The following TASP1 variants were observed in gnomAD, a reference collection of about 807,000 sequenced individuals.
TASP1 encodes taspase 1.
TASP1 carries 16 observed loss-of-function variants against 56.6 expected under a neutral mutation model. The ratio of observed to expected loss-of-function variants is 0.28; its 90% CI spans 0.19 to 0.43. The LOEUF is 0.43. Ranked by LOEUF, TASP1 falls within the 20% of genes least tolerant of loss-of-function variation. The pLI is 1.00. For synonymous variants in TASP1, 179 were observed against 184.2 expected (o/e 0.97, Z 0.23); for missense variants, 393 against 511.6 (o/e 0.77, Z 2.24).
chr20:13,294,166 G>A, the TASP1 span, among the ~76,000 whole-genome samples: 1 of 152,086 alleles, frequency 6.6e-6, no homozygotes, highest in Non-Finnish European at 1.5e-5. Context: ...CTGAAATCTT[G>A]ATTTTGCCAG....
At chr20:13,366,572 T>G in the TASP1 span, among the ~76,000 whole-genome samples, 1 of 152,198 alleles carries the variant, frequency 6.6e-6, no homozygotes, top group African/African-American at 2.4e-5. Flanking sequence ...TGTGATTAAG[T>G]CTTTGGACCA....
the TASP1 span, among the ~76,000 whole-genome samples, chr20:13,194,631 C>T: frequency 6.6e-6 from 1 of 151,528 alleles, no homozygotes; most frequent in Admixed American, 6.6e-5. Flanking sequence ...ATCAGTTTCA[C>T]CCTAAGGTTG....
intron 10 of TASP1, among the ~76,000 whole-genome samples, chr20:13,513,580 G>A (rs1338412307): frequency 6.6e-6 from 1 of 152,144 alleles, no homozygotes; most frequent in Non-Finnish European, 1.5e-5. Context: ...AAGAAATTGT[G>A]CTAAGTTGTT....
At chr20:13,620,916 T>C (rs1479788060) in intron 4 of TASP1, among the ~76,000 whole-genome samples, 1 of 152,104 alleles carries the variant, frequency 6.6e-6, no homozygotes, top group Non-Finnish European at 1.5e-5. Context: ...TGAAAACCTA[T>C]CCTGTTTTAA....
chr20:13,497,905 A>G (rs963831196), intron 10 of TASP1, among the ~76,000 whole-genome samples: 1 of 152,212 alleles, frequency 6.6e-6, no homozygotes, highest in Non-Finnish European at 1.5e-5. Flanking sequence ...GTATTTAATA[A>G]TTGGTGCTGG....
At chr20:13,224,301 C>T in the TASP1 span, among the ~76,000 whole-genome samples, 14 of 152,100 alleles carry the variant, frequency 9.2e-5, no homozygotes, top group African/African-American at 3.4e-4. Context: ...TTCTTTGGCC[C>T]TCTGACTCTC....
At chr20:13,222,172 T>C in the TASP1 span, among the ~76,000 whole-genome samples, 35 of 151,570 alleles carry the variant, frequency 2.3e-4, no homozygotes, top group African/African-American at 7.5e-4. Flanking sequence ...AGGTGCGGGG[T>C]TGGTGGGGAG....
the TASP1 span, among the ~76,000 whole-genome samples, chr20:13,177,307 A>T: frequency 6.6e-6 from 1 of 152,124 alleles, no homozygotes; most frequent in Admixed American, 6.6e-5. Context: ...CATGGATTGG[A>T]AGAATTAATA....
In TASP1 at chr20:13,587,071, T is replaced by A. The variant is rs532520667; in HGVS notation, c.403+179A>T. 2.0e-4 allele frequency among the ~76,000 whole-genome samples: 30 copies of A among 152,260 alleles called. 2 individuals are homozygous for A. The highest frequency in any genetic ancestry group is 7.0e-4 in the African/African-American group (29 of 41,550). Reference sequence around the variant, plus strand: ...CAAGGGATACAGGAGAATGATCAAATTCAAACCAAAAACTACTTATAACTA... The same window carrying A: ...CAAGGGATACAGGAGAATGATCAAAATCAAACCAAAAACTACTTATAACTA... On this transcript the variant is annotated intron_variant, in intron 5 of 13. Coordinates refer to ENST00000337743, the MANE Select transcript of TASP1 (RefSeq NM_017714.3).
the TASP1 span, among the ~76,000 whole-genome samples, chr20:13,123,456 A>G: frequency 6.6e-6 from 1 of 152,168 alleles, no homozygotes; most frequent in African/African-American, 2.4e-5. Context: ...AAGTATTACT[A>G]TGATCTAATT....
chr20:13,514,991 C>T lies in TASP1; in HGVS notation c.874+13442G>A, dbSNP rs1232706942. Among the ~76,000 whole-genome samples, 4 of 152,058 alleles carry T rather than the reference C, an allele frequency of 2.6e-5. No individual in the cohort carries two copies. The East Asian group carries it at 7.7e-4, about 29-fold the overall frequency. On this transcript the variant is annotated intron_variant, in intron 10 of 13. Coordinates refer to ENST00000337743, the MANE Select transcript of TASP1 (RefSeq NM_017714.3). ...ATGATTCATCAATAAATCTTTTTGC[C>T]CAAATTAACCAGCCATCATGAACAG...
intron 4 of TASP1, among the ~76,000 whole-genome samples, chr20:13,601,042 C>A (rs746569891): frequency 6.6e-6 from 1 of 152,120 alleles, no homozygotes; most frequent in Non-Finnish European, 1.5e-5. Flanking sequence ...CTGGGAGGCC[C>A]AGACAGGAGA....
chr20:13,221,943 G>A, the TASP1 span: 2 of 1,312,422 alleles, frequency 1.5e-6, no homozygotes, highest in Non-Finnish European at 1.9e-6. Context: ...AGGGCCGTGC[G>A]CGGCTGCGGG....
At chr20:13,584,159 T>C (rs2047220712) in intron 5 of TASP1, among the ~76,000 whole-genome samples, 1 of 152,226 alleles carries the variant, frequency 6.6e-6, no homozygotes, top group Non-Finnish European at 1.5e-5. Flanking sequence ...TAACAAACTG[T>C]ACTTATTGTT....
chr20:13,360,801 A>G, the TASP1 span, among the ~76,000 whole-genome samples: 1 of 152,134 alleles, frequency 6.6e-6, no homozygotes, highest in Non-Finnish European at 1.5e-5. Context: ...CCAGACTTCA[A>G]TCCGGCCTCC....
downstream of TASP1, among the ~76,000 whole-genome samples, chr20:13,387,793 G>T (rs976806320): frequency 6.6e-6 from 1 of 152,300 alleles, no homozygotes; most frequent in East Asian, 1.9e-4. Context: ...GAGTATAATT[G>T]TTTTCCTTTC....
the TASP1 span, among the ~76,000 whole-genome samples, chr20:13,370,598 A>C: frequency 6.6e-6 from 1 of 152,298 alleles, no homozygotes; most frequent in East Asian, 1.9e-4. Context: ...TTATGAGCTA[A>C]ATTATGTTCC....
At chr20:13,280,005 C>G in the TASP1 span, 1 of 1,124,066 alleles carries the variant, frequency 8.9e-7, no homozygotes, top group Non-Finnish European at 1.2e-6. Context: ...GGCTTTTGGT[C>G]TTCTGTGAGG....
the TASP1 span, among the ~76,000 whole-genome samples, chr20:13,377,361 G>A: frequency 3.9e-5 from 6 of 152,214 alleles, no homozygotes; most frequent in Admixed American, 3.3e-4. Context: ...TTCTGTTTAT[G>A]TGATGGATTA....
Sources: allele counts gnomAD v4.1 joint callset (sites outside exome capture counted in the v4.1 genomes callset), GRCh38; gene constraint gnomAD v4.1.1; transcripts MANE v1.5; gene names NCBI Gene and HGNC (gene_info 2026-07-23, HGNC 2026-07-21).